The following TJP1 variants were observed in gnomAD, a reference collection of about 807,000 sequenced individuals.
The protein encoded by TJP1 is tight junction protein 1, also known as tight junction protein ZO-1.
TJP1 carries 43 observed loss-of-function variants against 194.2 expected under a neutral mutation model. The ratio of observed to expected loss-of-function variants is 0.22; its 90% CI spans 0.17 to 0.29. The LOEUF (loss-of-function observed/expected upper bound fraction) is 0.29. TJP1 is among the 10% of genes least tolerant of loss of function. TJP1 has a pLI of 1.00. For missense variants in TJP1, 1,971 were observed against 2,185.7 expected (o/e 0.90, Z 1.96); for synonymous variants, 801 against 779.0 (o/e 1.03, Z -0.47).
intron 2 of TJP1, among the ~76,000 whole-genome samples, chr15:29,933,707 T>C (rs2054793609): frequency 6.6e-6 from 1 of 152,186 alleles, no homozygotes. Flanking sequence ...AGAGATCTGT[T>C]ATCTGTCTAC....
chr15:29,963,692 T>C (rs139019164), intron 1 of TJP1, among the ~76,000 whole-genome samples: 11 of 152,286 alleles, frequency 7.2e-5, no homozygotes, highest in Admixed American at 7.2e-4. Context: ...TCTCGCTCTG[T>C]TGCCAGGCTG....
intron 2 of TJP1, among the ~76,000 whole-genome samples, chr15:29,840,560 T>C (rs573102660): frequency 6.6e-5 from 10 of 152,258 alleles, no homozygotes; most frequent in Admixed American, 5.2e-4. Flanking sequence ...CTCCAGGAGC[T>C]GAATCTTGGG....
intron 22 of TJP1, 92 bp from the exon 23 acceptor site, chr15:29,716,930 T>C: frequency 9.1e-7 from 1 of 1,102,056 alleles, no homozygotes; most frequent in Non-Finnish European, 1.3e-6. Context: ...GACTAAAAGG[T>C]CAATAATTAC....
intron 1 of TJP1, among the ~76,000 whole-genome samples, chr15:29,819,245 C>T (rs530711382): frequency 1.3e-5 from 2 of 152,178 alleles, no homozygotes; most frequent in South Asian, 4.1e-4. Flanking sequence ...AAATGGATAA[C>T]CAATAGTCCT....
At chr15:29,803,214 T>G (rs781027728) in intron 1 of TJP1, among the ~76,000 whole-genome samples, 1 of 152,190 alleles carries the variant, frequency 6.6e-6, no homozygotes, top group Non-Finnish European at 1.5e-5. Flanking sequence ...GGCAATGTAT[T>G]TTAAACTATA....
intron 2 of TJP1, among the ~76,000 whole-genome samples, chr15:29,788,013 G>T (rs1438676046): frequency 6.6e-6 from 1 of 152,184 alleles, no homozygotes; most frequent in South Asian, 2.1e-4. Context: ...CCTAGTGGGT[G>T]TGAAGGGGTA....
chr15:29,791,101 A>G (rs2048052451), intron 2 of TJP1, among the ~76,000 whole-genome samples: 2 of 150,974 alleles, frequency 1.3e-5, no homozygotes, highest in African/African-American at 4.8e-5. Flanking sequence ...ATTTCGGCTC[A>G]CTGCAATCTC....
chr15:29,799,831 T>A (rs1028569732), intron 2 of TJP1, among the ~76,000 whole-genome samples: 1 of 152,188 alleles, frequency 6.6e-6, no homozygotes, highest in African/African-American at 2.4e-5. Flanking sequence ...CTTTCCATCT[T>A]CCTAATAATG....
intron 1 of TJP1, among the ~76,000 whole-genome samples, chr15:29,962,255 A>G (rs971417774): frequency 9.2e-5 from 14 of 152,136 alleles, no homozygotes; most frequent in African/African-American, 3.1e-4. Context: ...TGAAAGCCCA[A>G]TGTTCCCAGG....
Position 29,888,128 on chromosome 15 carries a change from T to A in TJP1, c.306+68104A>T, listed in dbSNP as rs375144753. ...TAATAGTATTTCAAAGTGTTTATAATAAAATGTTAAAGAAAAAATCAAGAT... is the reference window on the plus strand; with the variant it reads ...TAATAGTATTTCAAAGTGTTTATAAAAAAATGTTAAAGAAAAAATCAAGAT... On this transcript the variant is annotated intron_variant, in intron 2 of 28. Transcript: ENST00000356107. 5.3e-5 allele frequency among the ~76,000 whole-genome samples: 8 copies of A among 152,226 alleles called. No individual in the cohort carries two copies. The East Asian group carries it at 9.6e-4, about 18-fold the overall frequency.
At chr15:29,877,791 TG>T in intron 2 of TJP1, among the ~76,000 whole-genome samples, 4 of 151,450 alleles carry the variant, frequency 2.6e-5, no homozygotes, top group Non-Finnish European at 5.9e-5. Context: ...CCCGAGTAGC[TG>T]GGATTACTGG....
intron 1 of TJP1, among the ~76,000 whole-genome samples, chr15:29,957,305 G>A (rs534801216): frequency 1.3e-5 from 2 of 152,100 alleles, no homozygotes; most frequent in African/African-American, 4.8e-5. Flanking sequence ...TAGAATAAAA[G>A]TAATACATCC....
At position 29,761,602 on chromosome 15, in the gene TJP1, G is replaced by T. The variant is rs146140703; in HGVS notation, c.861C>A (p.Asp287Glu). ...SIHSANASERDDISEIQSLAS... is the reference protein window; with the variant it reads ...SIHSANASEREDISEIQSLAS... ...ACGTTCAAACAGAATCACACTCACC[G>T]TCTCTCTCAGAGGCATTAGCAGAGT... Residue 287 changes from aspartate to glutamate, a missense_variant and splice_region_variant, in exon 7 of 28, where the codon GAC becomes GAA. Physicochemically the swap from Asp to Glu is conservative, Grantham distance 45. Transcript: ENST00000614355. 3.1e-6 allele frequency: 5 copies of T among 1,591,058 alleles called. No individual in the cohort carries two copies. In the South Asian group the frequency reaches 5.7e-5, roughly 18 times the overall value.
At chr15:29,904,731 T>C (rs1431760333) in intron 2 of TJP1, among the ~76,000 whole-genome samples, 2 of 152,168 alleles carry the variant, frequency 1.3e-5, no homozygotes, top group Non-Finnish European at 2.9e-5. Context: ...TTCATGTCTA[T>C]CTGGAACCTC....
At chr15:29,799,759 T>C (rs189222884) in intron 2 of TJP1, among the ~76,000 whole-genome samples, 3 of 152,282 alleles carry the variant, frequency 2.0e-5, no homozygotes, top group African/African-American at 2.4e-5. Flanking sequence ...TTATCTACTA[T>C]GTGCAGATCC....
intron 4 of TJP1, among the ~76,000 whole-genome samples, chr15:29,768,132 A>G (rs959056746): frequency 2.0e-5 from 3 of 152,138 alleles, no homozygotes; most frequent in Non-Finnish European, 4.4e-5. Flanking sequence ...GACTACTACT[A>G]TTATTATCAG....
At position 29,822,012 on chromosome 15, in the gene TJP1, GC is replaced by G; in HGVS notation, c.16del (p.Ala6ArgfsTer19). ...CGCGGAGGCGCTCACCTTGGCGGCCGCAGCTCTGGCGGACATCTTGTCTCTC... is the reference window on the plus strand; with the variant it reads ...CGCGGAGGCGCTCACCTTGGCGGCCGAGCTCTGGCGGACATCTTGTCTCTC... MSARA[A>X]AAKSTAMEET... On this transcript the variant is annotated frameshift_variant, in exon 1 of 28. Transcript: ENST00000614355. LOFTEE classifies it high-confidence loss of function. 1 of 1,349,022 alleles carries G rather than the reference GC, an allele frequency of 7.4e-7. No homozygotes were observed. Among genetic ancestry groups the G allele is most frequent in the South Asian group, 2.0e-5 (1 of 49,260 alleles). The allele number at this position is 1,349,022 out of a possible 1,614,324, so 83.6% of individuals were successfully genotyped here. A position where few individuals can be genotyped will look rare whatever the true frequency, so the allele number is the denominator to read the frequency against.
chr15:29,705,542 A>G lies in TJP1; in HGVS notation c.5054T>C (p.Leu1685Ser), dbSNP rs772813539. The stretch of plus-strand genomic sequence containing the variant: ...AACACATTTACCTTTCTCTTTATCT[A>G]AAGGTGGAAGGATGCTGTTGTCCCG... ...VCRDNSILPP[L>S]DKEKGETLLS... The change falls in exon 26 of 28, where the codon TTA becomes TCA. Residue 1685 changes from leucine to serine, a missense_variant. Coordinates refer to ENST00000614355, the MANE Select transcript of TJP1 (RefSeq NM_001330239.4). 4 of 1,614,056 alleles carry G rather than the reference A, an allele frequency of 2.5e-6. No homozygotes were observed. The highest frequency in any genetic ancestry group is 3.4e-6 in the Non-Finnish European group (4 of 1,180,042).
At chr15:29,862,678 C>T (rs1190675641) in intron 2 of TJP1, among the ~76,000 whole-genome samples, 12 of 141,788 alleles carry the variant, frequency 8.5e-5, no homozygotes, top group Non-Finnish European at 1.4e-4. Flanking sequence ...GACAGAGTCT[C>T]GCTCTGTCAC....
Sources: allele counts gnomAD v4.1 joint callset (sites outside exome capture counted in the v4.1 genomes callset), GRCh38; gene constraint gnomAD v4.1.1; transcripts MANE v1.5; gene names NCBI Gene and HGNC (gene_info 2026-07-23, HGNC 2026-07-21).